The following CSMD1 variants were observed in gnomAD, a reference collection of about 807,000 sequenced individuals.
CSMD1 encodes the protein CUB and Sushi multiple domains 1.
A neutral mutation model predicts 417.5 loss-of-function variants in CSMD1; 213 were observed. The observed-to-expected ratio is 0.51, with a 90% CI of 0.46 to 0.57. The LOEUF is 0.57. Among genes scored for constraint, CSMD1 ranks in the 20% least tolerant of loss-of-function variants. CSMD1 has a pLI of 0.00. For missense variants in CSMD1, 6,923 were observed against 4,529.7 expected (o/e 1.53, Z -15.17); for synonymous variants, 2,862 against 1,736.8 (o/e 1.65, Z -16.11).
At chr8:4,427,596 G>C (rs555191063) in intron 2 of CSMD1, among the ~76,000 whole-genome samples, 1 of 151,954 alleles carries the variant, frequency 6.6e-6, no homozygotes, top group African/African-American at 2.4e-5. Flanking sequence ...TTTGGAGAGA[G>C]ACTCGAAGTA....
chr8:3,945,738 T>C (rs1007411362), intron 5 of CSMD1, among the ~76,000 whole-genome samples: 1 of 152,024 alleles, frequency 6.6e-6, no homozygotes, highest in African/African-American at 2.4e-5. Context: ...TACTAGGGGA[T>C]AGAAAACCAA....
At chr8:4,773,489 T>A (rs936493629) in intron 1 of CSMD1, among the ~76,000 whole-genome samples, 1 of 152,190 alleles carries the variant, frequency 6.6e-6, no homozygotes, top group Admixed American at 6.5e-5. Flanking sequence ...TGTTCATGGA[T>A]AAAGAATACT....
intron 5 of CSMD1, among the ~76,000 whole-genome samples, chr8:3,912,645 T>G (rs879637984): frequency 3.3e-5 from 5 of 152,102 alleles, no homozygotes; most frequent in Admixed American, 3.3e-4. Flanking sequence ...ACAAGCGTCC[T>G]CAAGTGGAAA....
At chr8:4,855,707 C>A (rs1280841045) in intron 1 of CSMD1, among the ~76,000 whole-genome samples, 1 of 151,640 alleles carries the variant, frequency 6.6e-6, no homozygotes, top group African/African-American at 2.4e-5. Flanking sequence ...GAAGGGAAGT[C>A]TAGAGAAAAA....
chr8:3,852,063 G>T (rs558166864), intron 5 of CSMD1, among the ~76,000 whole-genome samples: 1 of 152,192 alleles, frequency 6.6e-6, no homozygotes, highest in Non-Finnish European at 1.5e-5. Context: ...GGTTGAGGCA[G>T]ACTGGAGGAG....
chr8:3,359,873 A>C (rs977439874), intron 20 of CSMD1, among the ~76,000 whole-genome samples: 5 of 152,322 alleles, frequency 3.3e-5, no homozygotes, highest in Admixed American at 1.3e-4. Context: ...AAATGTGTAC[A>C]ATTATTATGT....
chr8:4,926,238 G>C (rs967390986), intron 1 of CSMD1, among the ~76,000 whole-genome samples: 1 of 152,086 alleles, frequency 6.6e-6, no homozygotes, highest in Non-Finnish European at 1.5e-5. Flanking sequence ...ATTTTTTCTT[G>C]TGGACACAAT....
intron 5 of CSMD1, among the ~76,000 whole-genome samples, chr8:3,988,650 C>T (rs570682057): frequency 1.2e-4 from 18 of 152,214 alleles, no homozygotes; most frequent in Non-Finnish European, 2.5e-4. Context: ...GTACTTCGGT[C>T]AAAATTCCAC....
chr8:4,958,155 C>A (rs17071892), intron 1 of CSMD1, among the ~76,000 whole-genome samples: 23 of 152,134 alleles, frequency 1.5e-4, no homozygotes, highest in African/African-American at 5.1e-4. Context: ...TTCCCTCAAA[C>A]AAAATGTTGT....
chr8:4,746,344 G>A (rs141409096), intron 1 of CSMD1, among the ~76,000 whole-genome samples: 1 of 152,146 alleles, frequency 6.6e-6, no homozygotes, highest in Non-Finnish European at 1.5e-5. Flanking sequence ...TTTGGCAGGG[G>A]TTCAAGGGCT....
chr8:3,403,198 C>G (rs1445378531), intron 15 of CSMD1, among the ~76,000 whole-genome samples: 1 of 152,162 alleles, frequency 6.6e-6, no homozygotes, highest in Non-Finnish European at 1.5e-5. Context: ...AAACACTTTT[C>G]AAGAAAAACA....
chr8:3,705,091 G>C (rs1436205679), intron 7 of CSMD1, among the ~76,000 whole-genome samples: 1 of 152,224 alleles, frequency 6.6e-6, no homozygotes, highest in Non-Finnish European at 1.5e-5. Flanking sequence ...AAGCCAGTCA[G>C]GCAAGGCTAC....
intron 3 of CSMD1, among the ~76,000 whole-genome samples, chr8:4,169,485 C>A (rs995311906): frequency 6.6e-6 from 1 of 152,134 alleles, no homozygotes; most frequent in Non-Finnish European, 1.5e-5. Flanking sequence ...CAATTCTGAC[C>A]ACCTCTACTG....
At chr8:4,000,947 A>G (rs188902006) in intron 4 of CSMD1, among the ~76,000 whole-genome samples, 2 of 152,090 alleles carry the variant, frequency 1.3e-5, no homozygotes, top group African/African-American at 4.8e-5. Flanking sequence ...TGAAAGATTA[A>G]TGACATATTA....
intron 2 of CSMD1, among the ~76,000 whole-genome samples, chr8:4,490,688 A>T (rs1801654533): frequency 6.6e-6 from 1 of 152,186 alleles, no homozygotes; most frequent in Non-Finnish European, 1.5e-5. Context: ...GAGACAAATA[A>T]GAGACTCTTA....
intron 6 of CSMD1, among the ~76,000 whole-genome samples, chr8:3,738,118 C>A (rs970319141): frequency 6.6e-6 from 1 of 152,142 alleles, no homozygotes; most frequent in Non-Finnish European, 1.5e-5. Context: ...CTAACATACA[C>A]TTTTATTTAC....
At chr8:3,891,871 G>C (rs1045460725) in intron 5 of CSMD1, among the ~76,000 whole-genome samples, 4 of 152,074 alleles carry the variant, frequency 2.6e-5, no homozygotes, top group African/African-American at 9.7e-5. Flanking sequence ...AAAAAGGCTA[G>C]TTACTGACAC....
intron 5 of CSMD1, among the ~76,000 whole-genome samples, chr8:3,807,033 C>T (rs896782444): frequency 9.9e-5 from 15 of 152,132 alleles, no homozygotes; most frequent in African/African-American, 3.6e-4. Flanking sequence ...GTAACCCAGG[C>T]AGTCTGACTC....
intron 1 of CSMD1, among the ~76,000 whole-genome samples, chr8:4,754,204 A>G (rs1188910693): frequency 6.6e-6 from 1 of 152,150 alleles, no homozygotes; most frequent in Non-Finnish European, 1.5e-5. Context: ...ATTCATCTCT[A>G]CAACTCTTAA....
Sources: allele counts gnomAD v4.1 joint callset (sites outside exome capture counted in the v4.1 genomes callset), GRCh38; gene constraint gnomAD v4.1.1; transcripts MANE v1.5; gene names NCBI Gene and HGNC (gene_info 2026-07-23, HGNC 2026-07-21).